ESRRG: variants seen among roughly 807,000 people sequenced by gnomAD.
ESRRG encodes the protein estrogen related receptor gamma.
A neutral mutation model predicts 44.0 loss-of-function variants in ESRRG; 13 were observed. That is an observed-to-expected ratio of 0.30 (90% CI 0.19 to 0.47). The LOEUF (loss-of-function observed/expected upper bound fraction) is 0.47. Among genes scored for constraint, ESRRG ranks in the 20% least tolerant of loss-of-function variants. The pLI is 1.00. For missense variants in ESRRG, 395 were observed against 580.6 expected (o/e 0.68, Z 3.29); for synonymous variants, 215 against 214.6 (o/e 1.00, Z -0.02).
chr1:217,117,452 G>A (rs2092745544), intron 1 of ESRRG, among the ~76,000 whole-genome samples: 1 of 151,994 alleles, frequency 6.6e-6, no homozygotes, highest in Admixed American at 6.6e-5. Context: ...AAGGGTAGTG[G>A]TGCATGCCTG....
chr1:216,738,919 A>G (rs1260807317), intron 2 of ESRRG, among the ~76,000 whole-genome samples: 2 of 152,162 alleles, frequency 1.3e-5, no homozygotes, highest in African/African-American at 4.8e-5. Context: ...TGGTGCAATC[A>G]TAGCTTTCTG....
intron 2 of ESRRG, among the ~76,000 whole-genome samples, chr1:216,662,219 A>C (rs528879059): frequency 1.3e-5 from 2 of 152,268 alleles, no homozygotes; most frequent in East Asian, 1.9e-4. Context: ...GGTTCTCAGC[A>C]CAGAAGTAAG....
At chr1:216,781,551 C>G (rs934546038) in intron 2 of ESRRG, among the ~76,000 whole-genome samples, 1 of 151,952 alleles carries the variant, frequency 6.6e-6, no homozygotes, top group Non-Finnish European at 1.5e-5. Context: ...ATCGCTATAC[C>G]AAACATACCG....
intron 3 of ESRRG, among the ~76,000 whole-genome samples, chr1:216,640,236 G>A (rs575955440): frequency 1.3e-5 from 2 of 152,238 alleles, no homozygotes; most frequent in South Asian, 4.1e-4. Context: ...TTGCCAGCAA[G>A]CCCAAGGATG....
At chr1:216,538,525 C>T (rs1412025447) in intron 5 of ESRRG, among the ~76,000 whole-genome samples, 1 of 152,088 alleles carries the variant, frequency 6.6e-6, no homozygotes, top group Non-Finnish European at 1.5e-5. Flanking sequence ...TGCTACCGCA[C>T]AGCCAGAGGT....
chr1:216,895,590 G>A (rs1165920875), intron 2 of ESRRG, among the ~76,000 whole-genome samples: 1 of 152,114 alleles, frequency 6.6e-6, no homozygotes, highest in African/African-American at 2.4e-5. Flanking sequence ...AAACTAAAGG[G>A]ACTTATCAAA....
At chr1:217,092,833 C>T (rs73103054), upstream of ESRRG, among the ~76,000 whole-genome samples, 456 of 152,288 alleles carry the variant, frequency 3.0e-3, 1 homozygote, top group African/African-American at 0.01. Flanking sequence ...ACCTAGAATG[C>T]CACTTTTCAA....
intron 1 of ESRRG, among the ~76,000 whole-genome samples, chr1:217,129,857 AT>A (rs1285935778): frequency 6.6e-6 from 1 of 152,178 alleles, no homozygotes; most frequent in Non-Finnish European, 1.5e-5. Context: ...CTTTGGAGTG[AT>A]AAAAATGTTC....
intron 3 of ESRRG, among the ~76,000 whole-genome samples, chr1:216,598,037 T>C (rs1011179846): frequency 2.6e-5 from 4 of 152,200 alleles, no homozygotes; most frequent in Non-Finnish European, 4.4e-5. Flanking sequence ...ATAATTTACA[T>C]TTATTAAATG....
chr1:216,652,977 A>C (rs199793597), intron 2 of ESRRG, among the ~76,000 whole-genome samples: 1 of 105,392 alleles, frequency 9.5e-6, no homozygotes, highest in Non-Finnish European at 2.4e-5. Context: ...AGAAAGAAAG[A>C]AAAAAAAAAG....
intron 2 of ESRRG, among the ~76,000 whole-genome samples, chr1:216,670,914 G>A (rs2075048145): frequency 6.6e-6 from 1 of 152,176 alleles, no homozygotes; most frequent in Non-Finnish European, 1.5e-5. Flanking sequence ...CCAATAAAAA[G>A]TCAGTCTCCC....
rs11572733 is a variant in ESRRG, at chr1:216,609,767, G to A, written c.589+41206C>T. The stretch of plus-strand genomic sequence containing the variant: ...GCATAAAAATAGCAAAATTATTGAC[G>A]CATTAGTTAACATAGATGTTGTATA... On this transcript the variant is annotated intron_variant, in intron 3 of 6. Transcript: ENST00000408911. Among the ~76,000 whole-genome samples the A allele has an allele frequency of 4.0e-3, 605 of 152,194 alleles. 8 individuals carry two copies. Among genetic ancestry groups the A allele is most frequent in the African/African-American group, 0.014 (584 of 41,494 alleles).
At chr1:216,616,951 A>G (rs1158724179) in intron 3 of ESRRG, among the ~76,000 whole-genome samples, 1 of 152,106 alleles carries the variant, frequency 6.6e-6, no homozygotes, top group Non-Finnish European at 1.5e-5. Flanking sequence ...CTGTCACCTC[A>G]GGGTTTTTTC....
At chr1:217,120,982 T>A (rs777241910) in intron 1 of ESRRG, among the ~76,000 whole-genome samples, 11 of 152,188 alleles carry the variant, frequency 7.2e-5, no homozygotes, top group Non-Finnish European at 1.3e-4. Context: ...CATGGCACAG[T>A]GCCTACAGAC....
intron 2 of ESRRG, among the ~76,000 whole-genome samples, chr1:216,744,488 A>G (rs1576044583): frequency 1.6e-4 from 1 of 6,066 alleles, no homozygotes; most frequent in Non-Finnish European, 4.4e-4. Context: ...AGACATGCAC[A>G]CACACACACA....
intron 1 of ESRRG, among the ~76,000 whole-genome samples, chr1:217,075,323 C>G (rs375363300): frequency 2.0e-5 from 3 of 152,178 alleles, no homozygotes; most frequent in African/African-American, 7.2e-5. Flanking sequence ...ATTACCCTCA[C>G]TCTACAGATG....
intron 2 of ESRRG, among the ~76,000 whole-genome samples, chr1:216,859,545 A>AT (rs2096012714): frequency 6.6e-6 from 1 of 152,212 alleles, no homozygotes; most frequent in African/African-American, 2.4e-5. Context: ...GAAAAGAATC[A>AT]TTAAAAAGTT....
intron 2 of ESRRG, among the ~76,000 whole-genome samples, chr1:216,668,387 C>T (rs2074434455): frequency 6.6e-6 from 1 of 152,092 alleles, no homozygotes; most frequent in African/African-American, 2.4e-5. Flanking sequence ...ATATACCCTA[C>T]AAATCAAAGC....
At chr1:216,541,229 C>A (rs1174129145) in intron 5 of ESRRG, among the ~76,000 whole-genome samples, 11 of 151,974 alleles carry the variant, frequency 7.2e-5, no homozygotes, top group African/African-American at 2.7e-4. Context: ...TGATTATGAT[C>A]TTTTTCATGA....
Sources: allele counts gnomAD v4.1 joint callset (sites outside exome capture counted in the v4.1 genomes callset), GRCh38; gene constraint gnomAD v4.1.1; transcripts MANE v1.5; gene names NCBI Gene and HGNC (gene_info 2026-07-23, HGNC 2026-07-21).